The following KDM4C variants were observed in gnomAD, a reference collection of about 807,000 sequenced individuals.
KDM4C encodes lysine-specific demethylase 4C.
In KDM4C, 81 loss-of-function variants were observed where a neutral mutation model predicts 129.3. That is an observed-to-expected ratio of 0.63 (90% CI 0.52 to 0.75). The LOEUF (loss-of-function observed/expected upper bound fraction) is 0.75, where lower values mean the gene tolerates loss of function less well. Ranked by LOEUF, KDM4C falls within the 30% of genes least tolerant of loss-of-function variation. The pLI is 0.00. For synonymous variants in KDM4C, 573 were observed against 456.1 expected (o/e 1.26, Z -3.26); for missense variants, 1,457 against 1,304.0 (o/e 1.12, Z -1.81).
At chr9:6,721,470 G>T (rs764567710) in intron 1 of KDM4C, among the ~76,000 whole-genome samples, 3 of 151,562 alleles carry the variant, frequency 2.0e-5, no homozygotes, top group Admixed American at 1.3e-4. Flanking sequence ...TTTTAGTAGA[G>T]ACAGGGTTTT....
intron 17 of KDM4C, among the ~76,000 whole-genome samples, chr9:7,057,043 G>A (rs1035277175): frequency 2.0e-5 from 3 of 152,206 alleles, no homozygotes; most frequent in Admixed American, 2.0e-4. Context: ...GGTCATTATT[G>A]TGTAACAATG....
chr9:6,904,507 T>G (rs1817955458), intron 8 of KDM4C, among the ~76,000 whole-genome samples: 2 of 151,584 alleles, frequency 1.3e-5, no homozygotes, highest in Middle Eastern at 3.2e-3. Flanking sequence ...AATGAACACC[T>G]TAGCTCATGG....
intron 17 of KDM4C, among the ~76,000 whole-genome samples, chr9:7,093,415 C>T (rs2133064190): frequency 6.6e-6 from 1 of 152,200 alleles, no homozygotes; most frequent in East Asian, 1.9e-4. Flanking sequence ...AAACGGAAAA[C>T]TCAAGCCTCC....
intron 5 of KDM4C, among the ~76,000 whole-genome samples, chr9:6,876,501 C>G (rs1843578449): frequency 6.6e-6 from 1 of 152,238 alleles, no homozygotes; most frequent in Admixed American, 6.5e-5. Flanking sequence ...GCGTTCCCCT[C>G]TACCGAGGAA....
intron 4 of KDM4C, among the ~76,000 whole-genome samples, chr9:6,828,643 G>A (rs1477593844): frequency 7.1e-6 from 1 of 140,030 alleles, no homozygotes; most frequent in African/African-American, 3.3e-5. Context: ...GGCTGAGGTG[G>A]GTGGATCACC....
chr9:6,773,493 C>G (rs1822330613), intron 1 of KDM4C, among the ~76,000 whole-genome samples: 1 of 152,038 alleles, frequency 6.6e-6, no homozygotes, highest in Non-Finnish European at 1.5e-5. Context: ...ATTCATAGGC[C>G]AGGCGTGGTG....
In KDM4C at chr9:6,986,693, A is replaced by G. The variant is rs759158933; in HGVS notation, c.1677+27A>G. ...TATGTGGCAATATCCATTTTTTACCATATTCATTATATGGTGAGAGCACAT... is the reference window on the plus strand; with the variant it reads ...TATGTGGCAATATCCATTTTTTACCGTATTCATTATATGGTGAGAGCACAT... On this transcript the variant is annotated intron_variant, in intron 11 of 21. Coordinates refer to ENST00000381309, the MANE Select transcript of KDM4C (RefSeq NM_015061.6). The G allele has an allele frequency of 1.1e-5, 16 of 1,499,320 alleles. No homozygotes were observed. In the Middle Eastern group the frequency reaches 7.2e-4, roughly 67 times the overall value. 92.9% of individuals were successfully genotyped at this position (1,499,320 alleles called of 1,614,324 possible). A position where few individuals can be genotyped will look rare whatever the true frequency, so the allele number is the denominator to read the frequency against.
chr9:7,014,047 A>G, intron 14 of KDM4C, 46 bp downstream of exon 14: 1 of 1,501,430 alleles, frequency 6.7e-7, no homozygotes, highest in South Asian at 1.2e-5. Flanking sequence ...TCAGCATTTC[A>G]CATCATCTTT....
chr9:6,792,588 C>T (rs1420533025), intron 1 of KDM4C, among the ~76,000 whole-genome samples: 1 of 151,994 alleles, frequency 6.6e-6, no homozygotes, highest in Non-Finnish European at 1.5e-5. Context: ...GGGGTTTCAC[C>T]ATGTTGGCTA....
chr9:6,853,202 T>G (rs1449161624), intron 5 of KDM4C, among the ~76,000 whole-genome samples: 1 of 152,152 alleles, frequency 6.6e-6, no homozygotes, highest in Non-Finnish European at 1.5e-5. Flanking sequence ...AAGATTCTTT[T>G]CTAGCCCAGG....
chr9:7,003,190 C>A (rs555217140), intron 12 of KDM4C, among the ~76,000 whole-genome samples: 1 of 152,252 alleles, frequency 6.6e-6, no homozygotes, highest in South Asian at 2.1e-4. Context: ...TAACAACCTC[C>A]CAAAATAGCT....
intron 1 of KDM4C, among the ~76,000 whole-genome samples, chr9:6,732,159 G>A (rs1306822293): frequency 1.3e-5 from 2 of 151,746 alleles, no homozygotes; most frequent in Non-Finnish European, 2.9e-5. Flanking sequence ...GAGGTCAGGA[G>A]ATTGAGACCA....
chr9:6,773,674 G>C (rs1416973301), intron 1 of KDM4C, among the ~76,000 whole-genome samples: 1 of 151,900 alleles, frequency 6.6e-6, no homozygotes, highest in Non-Finnish European at 1.5e-5. Context: ...AGGTCGCTGA[G>C]GCAGGAGAAT....
At chr9:7,141,100 A>C (rs1376370097) in intron 19 of KDM4C, among the ~76,000 whole-genome samples, 1 of 152,204 alleles carries the variant, frequency 6.6e-6, no homozygotes, top group East Asian at 1.9e-4. Flanking sequence ...GCCCCCTTGG[A>C]CTATCTTGAG....
intron 4 of KDM4C, among the ~76,000 whole-genome samples, chr9:6,837,098 A>C (rs1483973787): frequency 2.6e-5 from 4 of 152,176 alleles, no homozygotes; most frequent in Non-Finnish European, 5.9e-5. Context: ...TGCCCTGTCA[A>C]CCAGGCTGGA....
intron 17 of KDM4C, among the ~76,000 whole-genome samples, chr9:7,098,499 C>T (rs780541640): frequency 7.2e-5 from 11 of 152,156 alleles, no homozygotes; most frequent in Non-Finnish European, 1.2e-4. Flanking sequence ...AGACAGAGGA[C>T]TTATCATGTT....
chr9:6,736,171 AAGGCATTC>A (rs1267094795), intron 1 of KDM4C, among the ~76,000 whole-genome samples: 1 of 152,168 alleles, frequency 6.6e-6, no homozygotes, highest in Non-Finnish European at 1.5e-5. Context: ...GGTGCTGTTA[AAGGCATTC>A]AGGTTTATAA....
intron 4 of KDM4C, among the ~76,000 whole-genome samples, chr9:6,836,410 A>G (rs978471483): frequency 2.0e-5 from 3 of 152,180 alleles, no homozygotes. Context: ...TGAAATCTTA[A>G]TATTTGATTT....
chr9:6,931,615 C>G (rs1001505431), intron 8 of KDM4C, among the ~76,000 whole-genome samples: 2 of 152,142 alleles, frequency 1.3e-5, no homozygotes, highest in African/African-American at 4.8e-5. Context: ...GTCCTTCCAC[C>G]TCAGCCTCCT....
Sources: gnomAD v4.1 joint callset for allele counts (sites outside exome capture counted in the v4.1 genomes callset) on GRCh38, gnomAD v4.1.1 for gene constraint, MANE v1.5 for transcripts, NCBI Gene and HGNC (gene_info 2026-07-23, HGNC 2026-07-21) for gene names.